Variants in SPMIP7 observed in about 807,000 individuals in gnomAD.
SPMIP7 encodes the protein sperm microtubule inner protein 7.
chr7:50,143,980 G>A, the SPMIP7 span, among the ~76,000 whole-genome samples: 1 of 152,206 alleles, frequency 6.6e-6, no homozygotes, highest in African/African-American at 2.4e-5. Flanking sequence ...TATGTAAATT[G>A]TTTCCATATT....
At chr7:50,100,159 G>A in the SPMIP7 span, among the ~76,000 whole-genome samples, 1 of 152,192 alleles carries the variant, frequency 6.6e-6, no homozygotes, top group African/African-American at 2.4e-5. Flanking sequence ...CAAGACAGAA[G>A]CCAGTCCTCT....
chr7:50,140,197 C>T, the SPMIP7 span: 1 of 1,455,734 alleles, frequency 6.9e-7, no homozygotes, highest in East Asian at 2.6e-5. Context: ...TAATGTTTCT[C>T]AGTCTTGTAA....
chr7:50,123,149 A>G, the SPMIP7 span, among the ~76,000 whole-genome samples: 1 of 128,212 alleles, frequency 7.8e-6, no homozygotes, highest in African/African-American at 3.2e-5. Context: ...TCACAATAGC[A>G]AAGACTTGGA....
the SPMIP7 span, among the ~76,000 whole-genome samples, chr7:50,134,769 G>T: frequency 6.6e-6 from 1 of 152,156 alleles, no homozygotes; most frequent in African/African-American, 2.4e-5. Context: ...TTATTTCCGA[G>T]TGTCAAGAAG....
the SPMIP7 span, among the ~76,000 whole-genome samples, chr7:50,139,973 C>T: frequency 6.6e-6 from 1 of 152,188 alleles, no homozygotes; most frequent in Non-Finnish European, 1.5e-5. Context: ...CTGGAGAAAG[C>T]AAACTACATC....
the SPMIP7 span, among the ~76,000 whole-genome samples, chr7:50,152,935 C>T: frequency 3.3e-4 from 50 of 152,194 alleles, no homozygotes; most frequent in Admixed American, 2.1e-3. Flanking sequence ...GATGCTCCCG[C>T]CTTGGCCTCC....
the SPMIP7 span, among the ~76,000 whole-genome samples, chr7:50,138,944 G>T: frequency 6.6e-6 from 1 of 152,040 alleles, no homozygotes; most frequent in African/African-American, 2.4e-5. Flanking sequence ...CAAGATTTTT[G>T]ATAAAATTTA....
chr7:50,132,839 T>C, the SPMIP7 span, among the ~76,000 whole-genome samples: 1 of 152,210 alleles, frequency 6.6e-6, no homozygotes, highest in Non-Finnish European at 1.5e-5. Flanking sequence ...AGCATTCCTA[T>C]GTGGTAGAGA....
chr7:50,134,696 G>A, the SPMIP7 span, among the ~76,000 whole-genome samples: 3 of 152,130 alleles, frequency 2.0e-5, no homozygotes, highest in Non-Finnish European at 4.4e-5. Context: ...GCTATCTGAT[G>A]TTGTCACTTA....
At chr7:50,131,712 A>G in the SPMIP7 span, among the ~76,000 whole-genome samples, 3 of 152,154 alleles carry the variant, frequency 2.0e-5, no homozygotes, top group Non-Finnish European at 4.4e-5. Context: ...TTCAGGGAAG[A>G]GTAGTGATTG....
the SPMIP7 span, among the ~76,000 whole-genome samples, chr7:50,122,962 G>T: frequency 6.7e-6 from 1 of 148,294 alleles, no homozygotes; most frequent in Non-Finnish European, 1.5e-5. Context: ...CTTTTACACT[G>T]TTGGTGGGAC....
the SPMIP7 span, among the ~76,000 whole-genome samples, chr7:50,121,674 G>A: frequency 6.6e-6 from 1 of 150,592 alleles, no homozygotes; most frequent in Non-Finnish European, 1.5e-5. Flanking sequence ...CTTTTTTTGA[G>A]ATGGCGTCTC....
the SPMIP7 span, among the ~76,000 whole-genome samples, chr7:50,105,010 A>C: frequency 6.6e-6 from 1 of 152,200 alleles, no homozygotes; most frequent in Non-Finnish European, 1.5e-5. Context: ...CAATGTTGTT[A>C]AGTAACTGAC....
the SPMIP7 span, among the ~76,000 whole-genome samples, chr7:50,109,515 AC>A: frequency 6.6e-6 from 1 of 151,996 alleles, no homozygotes; most frequent in Non-Finnish European, 1.5e-5. Flanking sequence ...AGCTGGGATT[AC>A]AGGCATGTGC....
the SPMIP7 span, chr7:50,159,215 G>T: frequency 6.5e-7 from 1 of 1,539,348 alleles, no homozygotes; most frequent in Non-Finnish European, 8.8e-7. Context: ...CCTGGGGAAG[G>T]CTTGTGCGGC....
At chr7:50,154,237 C>T in the SPMIP7 span, among the ~76,000 whole-genome samples, 1 of 152,128 alleles carries the variant, frequency 6.6e-6, no homozygotes, top group Non-Finnish European at 1.5e-5. Context: ...TTCCCCTTCC[C>T]CCTGTGGTCA....
At chr7:50,141,431 G>C in the SPMIP7 span, 5 of 1,130,716 alleles carry the variant, frequency 4.4e-6, no homozygotes, top group Non-Finnish European at 5.2e-6. Flanking sequence ...TATTACTAAG[G>C]ATGAAACATG....
At chr7:50,122,721 A>G in the SPMIP7 span, among the ~76,000 whole-genome samples, 1 of 151,854 alleles carries the variant, frequency 6.6e-6, no homozygotes, top group East Asian at 1.9e-4. Context: ...AATTTACAAG[A>G]AAAAAACAAA....
chr7:50,136,727 C>T, the SPMIP7 span, among the ~76,000 whole-genome samples: 9 of 152,014 alleles, frequency 5.9e-5, no homozygotes, highest in African/African-American at 2.2e-4. Context: ...CTACTACTTC[C>T]TCACATGTAA....
Sources: gnomAD v4.1 joint callset for allele counts (sites outside exome capture counted in the v4.1 genomes callset) on GRCh38, gnomAD v4.1.1 for gene constraint, MANE v1.5 for transcripts, NCBI Gene and HGNC (gene_info 2026-07-23, HGNC 2026-07-21) for gene names.